PDIA6: variants seen among roughly 807,000 people sequenced by gnomAD.
The protein encoded by PDIA6 is protein disulfide-isomerase A6.
Under a neutral mutation model 58.4 loss-of-function variants are expected in PDIA6, and 29 were observed. That is an observed-to-expected ratio of 0.50 (90% CI 0.37 to 0.68). The LOEUF (loss-of-function observed/expected upper bound fraction) is 0.68. Among genes scored for constraint, PDIA6 ranks in the 30% least tolerant of loss-of-function variants. The pLI is 0.00. For synonymous variants in PDIA6, 192 were observed against 202.6 expected (o/e 0.95, Z 0.44); for missense variants, 480 against 551.0 (o/e 0.87, Z 1.29).
chr2:10,797,013 T>C, intron 4 of PDIA6, 68 bp downstream of exon 4: 2 of 1,416,686 alleles, frequency 1.4e-6, no homozygotes, highest in Non-Finnish European at 9.9e-7. Flanking sequence ...GAGCAGGTTC[T>C]CAAGCTTGTT....
chr2:10,810,182 T>C, intron 1 of PDIA6: 1 of 816,152 alleles, frequency 1.2e-6, no homozygotes, highest in Non-Finnish European at 2.0e-6. Context: ...CTATGTGGTA[T>C]GTGTCATGGT....
intron 1 of PDIA6, among the ~76,000 whole-genome samples, chr2:10,828,367 A>G (rs1667613976): frequency 6.6e-6 from 1 of 152,220 alleles, no homozygotes; most frequent in South Asian, 2.1e-4. Context: ...AGGAAGAGAA[A>G]TAACAGGCTG....
At chr2:10,786,259 G>A (rs1665744304) in intron 11 of PDIA6, among the ~76,000 whole-genome samples, 1 of 152,008 alleles carries the variant, frequency 6.6e-6, no homozygotes, top group African/African-American at 2.4e-5. Context: ...GGAGGTGGAG[G>A]TTGCAGTGAG....
intron 1 of PDIA6, among the ~76,000 whole-genome samples, chr2:10,804,966 C>CTG (rs1666671400): frequency 1.0e-5 from 1 of 96,884 alleles, no homozygotes; most frequent in Non-Finnish European, 2.6e-5. Flanking sequence ...TGATTTGGCT[C>CTG]TCTGTCTGTT....
At chr2:10,811,812 A>G (rs1488615316) in intron 1 of PDIA6, among the ~76,000 whole-genome samples, 2 of 152,232 alleles carry the variant, frequency 1.3e-5, no homozygotes, top group African/African-American at 2.4e-5. Flanking sequence ...AAGGAGTCCG[A>G]TCACATGCGA....
rs1665954421 is a variant in PDIA6 at position 10,789,921 on chromosome 2, A to G, written c.700-32T>C. The G allele has an allele frequency of 2.5e-6, 4 of 1,577,320 alleles. No homozygotes were observed. In the African/African-American group the frequency reaches 4.0e-5, roughly 16 times the overall value. On this transcript the variant is annotated intron_variant, in intron 7 of 12. Coordinates refer to ENST00000272227, the MANE Select transcript of PDIA6 (RefSeq NM_005742.4). Reference sequence around the variant, plus strand: ...AAAAAAGGTCAGAGGATAAAATCCAATTAACACTTAATGCAAAATAACACA... The same window carrying G: ...AAAAAAGGTCAGAGGATAAAATCCAGTTAACACTTAATGCAAAATAACACA...
chr2:10,793,074 A>C (rs751575750), intron 5 of PDIA6, 22 bp downstream of exon 5: 7 of 1,522,460 alleles, frequency 4.6e-6, no homozygotes, highest in Non-Finnish European at 6.4e-6. Context: ...ACACATTAAA[A>C]ACTGACATTT....
rs1034293233 is a variant in PDIA6 at position 10,819,330 on chromosome 2, G to T, written c.-23C>A. 5.2e-6 allele frequency: 8 copies of T among 1,538,106 alleles called. No individual in the cohort carries two copies. The African/African-American group carries it at 8.2e-5, about 16-fold the overall frequency. ...CATTATGGGACTTTTCCTTGATAGG[G>T]AGTGGGCAGGAGAAGTTGGTGAGCC... On this transcript the variant is annotated 5_prime_UTR_variant, in exon 2 of 14. Transcript: ENST00000381611.
intron 1 of PDIA6, among the ~76,000 whole-genome samples, chr2:10,808,426 A>G (rs1014557209): frequency 2.1e-5 from 3 of 142,588 alleles, no homozygotes; most frequent in African/African-American, 7.4e-5. Context: ...GTAACTCTTT[A>G]AGCAGGTTTC....
Position 10,802,595 on chromosome 2 carries a change from G to A in PDIA6, c.65C>T (p.Ser22Phe), listed in dbSNP as rs1206041969. The change falls in exon 2 of 13, where the codon TCC becomes TTC. Residue 22 changes from serine to phenylalanine, a missense_variant. By Grantham distance (155) the Ser-to-Phe change is radical. Transcript: ENST00000272227. ...TAATTCGATCACATCATCACTAGAG[G>A]AATACAGACCATTCACTGCCAGAAA... ...TFFLAVNGLY[S>F]SSDDVIELTP... The A allele has an allele frequency of 6.7e-7, 1 of 1,493,406 alleles. No individual in the cohort carries two copies. Among genetic ancestry groups the A allele is most frequent in the Non-Finnish European group, 8.9e-7 (1 of 1,123,604 alleles). The allele number at this position is 1,493,406 out of a possible 1,614,324, so 92.5% of individuals were successfully genotyped here.
chr2:10,817,812 C>T (rs1415418105), intron 2 of PDIA6, among the ~76,000 whole-genome samples: 1 of 152,212 alleles, frequency 6.6e-6, no homozygotes, highest in African/African-American at 2.4e-5. Flanking sequence ...GGATGGCTCA[C>T]CATGTAGCTG....
intron 6 of PDIA6, among the ~76,000 whole-genome samples, chr2:10,791,202 G>A (rs1666020267): frequency 2.0e-5 from 3 of 151,766 alleles, no homozygotes; most frequent in South Asian, 2.1e-4. Context: ...GGAGCGCAGT[G>A]GTGTGAGCTT....
At chr2:10,791,662 T>G (rs1666039584) in intron 6 of PDIA6, 133 bp downstream of exon 6, 2 of 763,092 alleles carry the variant, frequency 2.6e-6, no homozygotes, top group African/African-American at 3.5e-5. Flanking sequence ...TGTTTAATAT[T>G]CACTTAGAGT....
chr2:10,833,994 G>A (rs938426536), upstream of PDIA6, among the ~76,000 whole-genome samples: 3 of 152,204 alleles, frequency 2.0e-5, no homozygotes, highest in East Asian at 3.8e-4. Context: ...ACACGGAAGC[G>A]GAATTCTAAA....
At chr2:10,809,410 C>T (rs570084203) in intron 1 of PDIA6, among the ~76,000 whole-genome samples, 7 of 151,982 alleles carry the variant, frequency 4.6e-5, no homozygotes, top group Non-Finnish European at 8.8e-5. Context: ...GGTGTGGTGG[C>T]TTAGGCCTGT....
In PDIA6 at chr2:10,787,265, T is replaced by G; in HGVS notation, c.1157+16A>C. The G allele has an allele frequency of 6.2e-7, 1 of 1,611,926 alleles. No homozygotes were observed. ...CAAACAGACAAAACAACAAACAACC[T>G]AAGAAAACAAATTACCTGAGAAACT... On this transcript the variant is annotated intron_variant, in intron 11 of 12. Coordinates refer to ENST00000272227, the MANE Select transcript of PDIA6 (RefSeq NM_005742.4).
intron 1 of PDIA6, among the ~76,000 whole-genome samples, chr2:10,824,576 T>C (rs1019118905): frequency 2.0e-5 from 3 of 152,202 alleles, no homozygotes; most frequent in Non-Finnish European, 4.4e-5. Flanking sequence ...GCTCTGGACT[T>C]TGGTCAATGG....
chr2:10,812,872 T>C (rs551600123), upstream of PDIA6: 176 of 1,159,636 alleles, frequency 1.5e-4, no homozygotes, highest in African/African-American at 2.6e-3. Context: ...GGCTCATTGG[T>C]CCGGGCGGAC....
At chr2:10,824,932 G>T (rs543989027) in intron 1 of PDIA6, among the ~76,000 whole-genome samples, 8 of 152,320 alleles carry the variant, frequency 5.3e-5, no homozygotes, top group Admixed American at 3.3e-4. Context: ...GTCTGTGAGG[G>T]TGTTGCCAAA....
Sources: gnomAD v4.1 joint callset for allele counts (sites outside exome capture counted in the v4.1 genomes callset) on GRCh38, gnomAD v4.1.1 for gene constraint, MANE v1.5 for transcripts, NCBI Gene and HGNC (gene_info 2026-07-23, HGNC 2026-07-21) for gene names.